Variants in SEC23A observed in about 807,000 individuals in gnomAD.
SEC23A encodes the protein SEC23 homolog A, COPII component, also known as protein transport protein Sec23A.
A neutral mutation model predicts 103.7 loss-of-function variants in SEC23A; 56 were observed. The ratio of observed to expected loss-of-function variants is 0.54; its 90% CI spans 0.44 to 0.67. The LOEUF is 0.67. Ranked by LOEUF, SEC23A falls within the 30% of genes least tolerant of loss-of-function variation. The pLI is 0.00. For missense variants in SEC23A, 784 were observed against 936.4 expected (o/e 0.84, Z 2.12); for synonymous variants, 281 against 293.0 (o/e 0.96, Z 0.42).
chr14:39,055,297 C>A lies in SEC23A; in HGVS notation c.1506-1G>T, dbSNP rs751229085. On this transcript the variant is annotated splice_acceptor_variant, in intron 13 of 19. Transcript: ENST00000307712. LOFTEE classifies it high-confidence loss of function. Reference sequence around the variant, plus strand: ...GATTTGAGTTTGAGCATCTGCCCAGCTGAAGACAATAAGAAAGCATAGAAA... The same window carrying A: ...GATTTGAGTTTGAGCATCTGCCCAGATGAAGACAATAAGAAAGCATAGAAA... 1 of 1,613,962 alleles carries A rather than the reference C, an allele frequency of 6.2e-7. No homozygotes were observed. Among genetic ancestry groups the A allele is most frequent in the Non-Finnish European group, 8.5e-7 (1 of 1,179,944 alleles).
intron 13 of SEC23A, among the ~76,000 whole-genome samples, chr14:39,056,418 C>T (rs1886251573): frequency 6.6e-6 from 1 of 152,176 alleles, no homozygotes; most frequent in African/African-American, 2.4e-5. Context: ...CAGGCGTGAG[C>T]CACCACGCCC....
At chr14:39,065,056 G>T in intron 10 of SEC23A, 63 bp from the exon 11 acceptor site, 1 of 1,010,598 alleles carries the variant, frequency 9.9e-7, no homozygotes. Context: ...TTCAACTACA[G>T]GTGTATAAGA....
intron 18 of SEC23A, 194 bp downstream of exon 18, chr14:39,040,538 G>C: frequency 1.5e-6 from 1 of 651,346 alleles, no homozygotes; most frequent in Non-Finnish European, 2.7e-6. Flanking sequence ...GCCAGGTTTA[G>C]GCAACTAGTC....
At chr14:39,084,872 T>A (rs1887374271) in intron 7 of SEC23A, among the ~76,000 whole-genome samples, 1 of 152,140 alleles carries the variant, frequency 6.6e-6, no homozygotes, top group Admixed American at 6.5e-5. Flanking sequence ...GGTTTTGCCA[T>A]ATTGGCCGTG....
chr14:39,091,732 A>G lies in SEC23A; in HGVS notation c.367-19T>C. The G allele has an allele frequency of 6.5e-7, 1 of 1,548,282 alleles. No homozygotes were observed. Among genetic ancestry groups the G allele is most frequent in the Non-Finnish European group, 8.9e-7 (1 of 1,120,236 alleles). ...GACCACGCTTTTAAAAAATTCACCA[A>G]AAAGAAAAAATATGTAGTTTAAAGC... On this transcript the variant is annotated intron_variant, in intron 4 of 19. Transcript: ENST00000307712.
intron 1 of SEC23A, among the ~76,000 whole-genome samples, chr14:39,100,931 C>T (rs1888068936): frequency 6.6e-6 from 1 of 151,836 alleles, no homozygotes. Context: ...GCAACCTCCA[C>T]CTCCCGGGTT....
chr14:39,064,984 C>T lies in SEC23A; in HGVS notation c.1237G>A (p.Glu413Lys), dbSNP rs766440327. ...CCAATAGCTCCTGAAATCTTTATTT[C>T]CCTTGAGGTCTGCAAAATAAGAATA... ...GGTLEIKTSR[E>K]IKISGAIGPC... The change falls in exon 11 of 20, where the codon GAA (glutamate) becomes AAA (lysine). Residue 413 changes from glutamate (E) to lysine (K), a missense_variant. Transcript: ENST00000307712. 4 of 1,610,556 alleles carry T rather than the reference C, an allele frequency of 2.5e-6. No individual in the cohort carries two copies. Among genetic ancestry groups the T allele is most frequent in the Non-Finnish European group, 3.4e-6 (4 of 1,176,854 alleles).
chr14:39,085,680 AATTAT>A (rs1473736660), intron 7 of SEC23A, 77 bp downstream of exon 7: 3 of 1,461,856 alleles, frequency 2.1e-6, no homozygotes, highest in Non-Finnish European at 2.8e-6. Context: ...TTATCCTTAT[AATTAT>A]ATATACACAC....
At chr14:39,041,507 C>T (rs960020849) in intron 17 of SEC23A, 10 of 107,900 alleles carry the variant, frequency 9.3e-5, no homozygotes, top group South Asian at 3.4e-4. Context: ...TTATTCTTAA[C>T]AAGTAAAGGG....
rs1887431482 is a variant in SEC23A, at chr14:39,086,020, C to T, written c.684-114G>A. On this transcript the variant is annotated intron_variant, in intron 6 of 19. Transcript: ENST00000307712. ...ACAACACTCTGAACACACAGCAGAC[C>T]AATGGTTCTCAAACTTTCGTGTATA... 5 of 913,114 alleles carry T rather than the reference C, an allele frequency of 5.5e-6. No homozygotes were observed. In the South Asian group the frequency reaches 6.7e-5, roughly 12 times the overall value. The allele number at this position is 913,114 out of a possible 1,614,324, so 56.6% of individuals were successfully genotyped here. A position where few individuals can be genotyped will look rare whatever the true frequency, so the allele number is the denominator to read the frequency against.
intron 9 of SEC23A, among the ~76,000 whole-genome samples, chr14:39,067,890 GA>G (rs1371375105): frequency 3.3e-5 from 5 of 151,798 alleles, no homozygotes; most frequent in African/African-American, 1.2e-4. Flanking sequence ...GGTTGGTCTT[GA>G]ACTTCTGGGC....
chr14:39,102,511 G>T (rs1036814128), intron 1 of SEC23A, among the ~76,000 whole-genome samples: 2 of 152,204 alleles, frequency 1.3e-5, no homozygotes, highest in African/African-American at 4.8e-5. Context: ...ACCGTAGAAA[G>T]AAAGCCCAGT....
intron 7 of SEC23A, among the ~76,000 whole-genome samples, chr14:39,081,846 T>C (rs1400338159): frequency 6.6e-6 from 1 of 152,190 alleles, no homozygotes; most frequent in Non-Finnish European, 1.5e-5. Flanking sequence ...TTTATATACA[T>C]CTATAGATAC....
Position 39,075,925 on chromosome 14 carries a change from T to A in SEC23A, c.987+10A>T, listed in dbSNP as rs747421357. ...CTAATAAGGCAAAAATATTTAACAG[T>A]CAAAATTACCTTAGTTCCCTTTTTA... On this transcript the variant is annotated intron_variant, in intron 8 of 19. Transcript: ENST00000307712. The A allele has an allele frequency of 7.4e-6, 12 of 1,613,074 alleles. No homozygotes were observed. Among genetic ancestry groups the A allele is most frequent in the Non-Finnish European group, 1.0e-5 (12 of 1,179,222 alleles).
At chr14:39,078,344 G>A (rs992987857) in intron 7 of SEC23A, among the ~76,000 whole-genome samples, 19 of 152,082 alleles carry the variant, frequency 1.2e-4, no homozygotes, top group Non-Finnish European at 2.1e-4. Flanking sequence ...ACAATAAATT[G>A]TACTGGATTA....
At chr14:39,040,398 G>T in intron 18 of SEC23A, 1 of 224,130 alleles carries the variant, frequency 4.5e-6, no homozygotes, top group Non-Finnish European at 8.8e-6. Context: ...GTAAATAAAC[G>T]GCTTTAAGAA....
intron 9 of SEC23A, among the ~76,000 whole-genome samples, chr14:39,071,956 G>A (rs549159153): frequency 5.3e-4 from 81 of 152,226 alleles, no homozygotes; most frequent in African/African-American, 1.8e-3. Flanking sequence ...GAGGGAGGCC[G>A]GGCGGGGTGG....
At chr14:39,047,958 C>A (rs572125134) in intron 15 of SEC23A, among the ~76,000 whole-genome samples, 8 of 152,072 alleles carry the variant, frequency 5.3e-5, no homozygotes, top group Non-Finnish European at 7.4e-5. Flanking sequence ...CTGGTCTGGC[C>A]CCATAAAATT....
At chr14:39,043,665 A>T (rs1228444192) in intron 16 of SEC23A, among the ~76,000 whole-genome samples, 1 of 152,224 alleles carries the variant, frequency 6.6e-6, no homozygotes, top group Non-Finnish European at 1.5e-5. Context: ...GCATGTCAAC[A>T]CTTAGAGGTC....
Sources: gnomAD v4.1 joint callset for allele counts (sites outside exome capture counted in the v4.1 genomes callset) on GRCh38, gnomAD v4.1.1 for gene constraint, MANE v1.5 for transcripts, NCBI Gene and HGNC (gene_info 2026-07-23, HGNC 2026-07-21) for gene names.